The following SLC68A1 variants were observed in gnomAD, a reference collection of about 807,000 sequenced individuals.
SLC68A1 encodes major facilitator superfamily domain containing 13A.
the SLC68A1 span, chr10:102,470,692 T>C: frequency 6.2e-7 from 1 of 1,612,204 alleles, no homozygotes; most frequent in Non-Finnish European, 8.5e-7. Flanking sequence ...CCTCAAGGGC[T>C]GTGGTGCTGG....
At chr10:102,476,103 G>C in the SLC68A1 span, 2 of 1,236,826 alleles carry the variant, frequency 1.6e-6, no homozygotes, top group Non-Finnish European at 2.0e-6. Context: ...TGGAGCTGTT[G>C]CCCAAAAAAA....
At chr10:102,469,503 G>T in the SLC68A1 span, among the ~76,000 whole-genome samples, 2 of 151,826 alleles carry the variant, frequency 1.3e-5, no homozygotes, top group African/African-American at 4.8e-5. Context: ...CCCTGGATGG[G>T]TGGGAGTTTG....
At chr10:102,463,571 G>A in the SLC68A1 span, among the ~76,000 whole-genome samples, 1 of 151,344 alleles carries the variant, frequency 6.6e-6, no homozygotes, top group African/African-American at 2.4e-5. Context: ...GATTGGGTGT[G>A]CTTGGGAAAG....
the SLC68A1 span, among the ~76,000 whole-genome samples, chr10:102,464,646 T>C: frequency 6.6e-6 from 1 of 150,452 alleles, no homozygotes; most frequent in African/African-American, 2.5e-5. Context: ...AAAAATTAGC[T>C]GGGCGTGGTG....
At chr10:102,476,980 C>A in the SLC68A1 span, 1 of 986,036 alleles carries the variant, frequency 1.0e-6, no homozygotes, top group African/African-American at 1.7e-5. Context: ...CCCCCACCCC[C>A]ACACGGCCTC....
chr10:102,476,555 C>T, the SLC68A1 span: 1 of 986,044 alleles, frequency 1.0e-6, no homozygotes, highest in Non-Finnish European at 1.2e-6. Context: ...CTAGTGCAGC[C>T]TGGAAGACAT....
At chr10:102,475,607 T>G in the SLC68A1 span, 6 of 1,206,836 alleles carry the variant, frequency 5.0e-6, no homozygotes, top group Admixed American at 2.4e-5. Context: ...GAATCAGGAG[T>G]TGTGGTCTGG....
At chr10:102,469,112 T>A in the SLC68A1 span, 2 of 1,614,160 alleles carry the variant, frequency 1.2e-6, no homozygotes, top group Non-Finnish European at 1.7e-6. Flanking sequence ...TTCACCACCA[T>A]CCTGCACAAT....
the SLC68A1 span, among the ~76,000 whole-genome samples, chr10:102,474,986 G>T: frequency 6.7e-6 from 1 of 149,646 alleles, no homozygotes; most frequent in African/African-American, 2.4e-5. Context: ...TAGTGTGATT[G>T]ACTTTTTAAC....
chr10:102,472,372 C>T, the SLC68A1 span: 6 of 261,714 alleles, frequency 2.3e-5, no homozygotes, highest in East Asian at 2.8e-4. Flanking sequence ...AAATGATTCT[C>T]CCACCTCAGC....
At chr10:102,462,330 G>T in the SLC68A1 span, among the ~76,000 whole-genome samples, 18 of 152,304 alleles carry the variant, frequency 1.2e-4, no homozygotes, top group South Asian at 8.3e-4. Context: ...GAATGGAATT[G>T]TTTTCTCTGC....
At chr10:102,472,616 C>G in the SLC68A1 span, among the ~76,000 whole-genome samples, 6 of 152,134 alleles carry the variant, frequency 3.9e-5, no homozygotes, top group Admixed American at 6.6e-5. Context: ...TTTAATTGCT[C>G]CAGTACTATT....
the SLC68A1 span, chr10:102,475,746 TCATAACCCCTGTGGGGAGTG>T: frequency 6.2e-7 from 1 of 1,610,206 alleles, no homozygotes; most frequent in South Asian, 1.1e-5. Context: ...CAGCAGTCCC[TCATAACCCCTGTGGGGAGTG>T]CCCATCCCTG....
At chr10:102,473,193 G>A in the SLC68A1 span, among the ~76,000 whole-genome samples, 1 of 152,110 alleles carries the variant, frequency 6.6e-6, no homozygotes, top group Non-Finnish European at 1.5e-5. Context: ...GGTGTGGTGG[G>A]TGTTGAGGGG....
At chr10:102,468,497 C>T in the SLC68A1 span, 2 of 153,108 alleles carry the variant, frequency 1.3e-5, no homozygotes, top group Non-Finnish European at 2.9e-5. Flanking sequence ...GAAACCCCGT[C>T]TCTACTAAAA....
the SLC68A1 span, chr10:102,469,258 C>T: frequency 6.4e-7 from 1 of 1,573,238 alleles, no homozygotes; most frequent in Non-Finnish European, 8.7e-7. Flanking sequence ...TAGAGGCTGC[C>T]CAGGCTGCTG....
At chr10:102,469,226 G>C in the SLC68A1 span, 5 of 1,612,180 alleles carry the variant, frequency 3.1e-6, no homozygotes, top group Non-Finnish European at 4.2e-6. Context: ...GGCTAACATG[G>C]AGGAGGGGGT....
chr10:102,471,019 C>G, the SLC68A1 span: 1 of 1,613,508 alleles, frequency 6.2e-7, no homozygotes, highest in African/African-American at 1.3e-5. Flanking sequence ...TGGCTGTCAG[C>G]TCTGGGCTGG....
the SLC68A1 span, chr10:102,461,996 C>T: frequency 6.6e-6 from 1 of 152,162 alleles, no homozygotes; most frequent in Non-Finnish European, 1.5e-5. Flanking sequence ...GGGCTGATCC[C>T]AAACTCCTCA....
Sources: allele counts gnomAD v4.1 joint callset (sites outside exome capture counted in the v4.1 genomes callset), GRCh38; gene constraint gnomAD v4.1.1; transcripts MANE v1.5; gene names NCBI Gene and HGNC (gene_info 2026-07-23, HGNC 2026-07-21).